The following TBC1D5 variants were observed in gnomAD, a reference collection of about 807,000 sequenced individuals.
The protein encoded by TBC1D5 is TBC1 domain family member 5.
A neutral mutation model predicts 100.3 loss-of-function variants in TBC1D5; 75 were observed. The observed-to-expected ratio is 0.75, with a 90% confidence interval of 0.62 to 0.91. The LOEUF is 0.91. TBC1D5 is among the 40% of genes least tolerant of loss of function. The probability of loss-of-function intolerance (pLI) is 0.00; values close to 1 mark genes in which losing one functional copy is unlikely to be tolerated. For missense variants in TBC1D5, 910 were observed against 942.4 expected (o/e 0.97, Z 0.45); for synonymous variants, 323 against 325.6 (o/e 0.99, Z 0.09).
At chr3:17,224,487 TAA>T (rs1219817272) in intron 17 of TBC1D5, among the ~76,000 whole-genome samples, 1 of 152,214 alleles carries the variant, frequency 6.6e-6, no homozygotes, top group African/African-American at 2.4e-5. Flanking sequence ...TTTTTCATAC[TAA>T]GTCTTCAAAA....
At chr3:17,302,482 G>GC (rs1042610988) in intron 14 of TBC1D5, among the ~76,000 whole-genome samples, 8 of 152,030 alleles carry the variant, frequency 5.3e-5, no homozygotes, top group African/African-American at 1.9e-4. Flanking sequence ...GTTGAGGGGG[G>GC]GGATACAATT....
At chr3:17,226,345 GA>G (rs1428363264) in intron 17 of TBC1D5, among the ~76,000 whole-genome samples, 7 of 146,656 alleles carry the variant, frequency 4.8e-5, no homozygotes, top group Non-Finnish European at 8.9e-5. Flanking sequence ...GGAACAGCAT[GA>G]AACATTTTTG....
chr3:17,447,188 A>C (rs1173236164), intron 3 of TBC1D5, among the ~76,000 whole-genome samples: 1 of 152,224 alleles, frequency 6.6e-6, no homozygotes, highest in African/African-American at 2.4e-5. Flanking sequence ...CAGTCACCAG[A>C]GTAAAATGTA....
intron 16 of TBC1D5, among the ~76,000 whole-genome samples, chr3:17,247,726 C>G (rs1403244088): frequency 6.6e-6 from 1 of 152,214 alleles, no homozygotes; most frequent in East Asian, 1.9e-4. Context: ...AAATTGGAGT[C>G]AATCCCTTCA....
intron 2 of TBC1D5, among the ~76,000 whole-genome samples, chr3:17,614,484 A>G (rs562437538): frequency 6.6e-6 from 1 of 152,114 alleles, no homozygotes; most frequent in Non-Finnish European, 1.5e-5. Flanking sequence ...GGGCAGTATG[A>G]CCATTTTCAC....
intron 2 of TBC1D5, among the ~76,000 whole-genome samples, chr3:17,614,150 C>T (rs1033449278): frequency 2.6e-5 from 4 of 152,158 alleles, no homozygotes; most frequent in African/African-American, 9.7e-5. Flanking sequence ...AGAATCCTAT[C>T]CCCATTTCTT....
intron 2 of TBC1D5, among the ~76,000 whole-genome samples, chr3:17,556,358 T>C (rs990651629): frequency 1.3e-5 from 2 of 152,170 alleles, no homozygotes; most frequent in East Asian, 1.9e-4. Flanking sequence ...GAAATTTCTA[T>C]TGGTTTAAAA....
chr3:17,514,206 T>TGA (rs2095952717), intron 2 of TBC1D5, among the ~76,000 whole-genome samples: 2 of 152,194 alleles, frequency 1.3e-5, no homozygotes, highest in Admixed American at 1.3e-4. Context: ...AGATTGTATA[T>TGA]CAAAGTAGTT....
chr3:17,445,709 T>G lies in TBC1D5; in HGVS notation c.98-17190A>C, dbSNP rs76924461. 3.5e-3 allele frequency among the ~76,000 whole-genome samples: 528 copies of G among 152,324 alleles called. 3 individuals carry two copies. The highest frequency in any genetic ancestry group is 0.012 in the African/African-American group (513 of 41,578). Reference sequence around the variant, plus strand: ...TTCTATTTTATTAGTAGCATGGTTGTTAATCTCTTAATATGTCAAATTTAT... The same window carrying G: ...TTCTATTTTATTAGTAGCATGGTTGGTAATCTCTTAATATGTCAAATTTAT... On this transcript the variant is annotated intron_variant, in intron 3 of 21. Transcript: ENST00000253692.
intron 1 of TBC1D5, chr3:17,705,982 T>TC (rs2074099261): frequency 1.6e-6 from 2 of 1,276,098 alleles, no homozygotes; most frequent in African/African-American, 1.6e-5. Flanking sequence ...ATTTCTTTAC[T>TC]CTTTTTTTTT....
intron 3 of TBC1D5, among the ~76,000 whole-genome samples, chr3:17,443,815 C>A (rs890876751): frequency 6.6e-6 from 1 of 151,870 alleles, no homozygotes; most frequent in Admixed American, 6.6e-5. Context: ...GATAAGACAG[C>A]GGAATGGGAC....
chr3:17,473,485 G>C (rs1018509944), intron 3 of TBC1D5, among the ~76,000 whole-genome samples: 1 of 152,124 alleles, frequency 6.6e-6, no homozygotes. Flanking sequence ...TATTTTAACT[G>C]TATTTCTAAA....
intron 13 of TBC1D5, among the ~76,000 whole-genome samples, chr3:17,354,801 C>T (rs777573542): frequency 4.0e-5 from 6 of 151,676 alleles, no homozygotes; most frequent in Admixed American, 1.3e-4. Context: ...GCATAATTAC[C>T]GTGTATAAAT....
chr3:17,735,834 C>A (rs115106842), intron 1 of TBC1D5, among the ~76,000 whole-genome samples: 1,597 of 152,230 alleles, frequency 0.01, 24 homozygotes, highest in African/African-American at 0.036. Flanking sequence ...TGGTGGATGG[C>A]GAGCGAAAGC....
intron 8 of TBC1D5, among the ~76,000 whole-genome samples, chr3:17,395,862 T>G (rs956533598): frequency 3.3e-5 from 5 of 152,088 alleles, no homozygotes; most frequent in Admixed American, 6.6e-5. Flanking sequence ...ATTTGCATGC[T>G]CAAATGAAAC....
intron 3 of TBC1D5, among the ~76,000 whole-genome samples, chr3:17,440,126 C>G (rs2094620280): frequency 6.6e-6 from 1 of 152,108 alleles, no homozygotes; most frequent in Non-Finnish European, 1.5e-5. Flanking sequence ...TCCAACAGAG[C>G]AGAGGGACAG....
chr3:17,403,302 A>G (rs1194871926), intron 7 of TBC1D5, 54 bp from the exon 8 acceptor site: 1 of 1,243,872 alleles, frequency 8.0e-7, no homozygotes, highest in Non-Finnish European at 1.1e-6. Flanking sequence ...TTTTACTTTT[A>G]GTGATTTCAA....
intron 19 of TBC1D5, among the ~76,000 whole-genome samples, chr3:17,178,118 T>C (rs953280628): frequency 9.0e-5 from 13 of 145,092 alleles, no homozygotes; most frequent in South Asian, 4.3e-4. Context: ...CAGGCTGGAG[T>C]GCAGTGGCGC....
At chr3:17,473,705 G>A (rs1428428992) in intron 3 of TBC1D5, among the ~76,000 whole-genome samples, 1 of 152,108 alleles carries the variant, frequency 6.6e-6, no homozygotes, top group East Asian at 1.9e-4. Flanking sequence ...TAAGTATAAG[G>A]TGAAAATGTC....
Sources: gnomAD v4.1 joint callset for allele counts (sites outside exome capture counted in the v4.1 genomes callset) on GRCh38, gnomAD v4.1.1 for gene constraint, MANE v1.5 for transcripts, NCBI Gene and HGNC (gene_info 2026-07-23, HGNC 2026-07-21) for gene names.